Variants in IQCM observed in about 807,000 individuals in gnomAD.
IQCM encodes IQ motif containing M.
IQCM carries 45 observed loss-of-function variants against 57.6 expected under a neutral mutation model. That is an observed-to-expected ratio of 0.78 (90% CI 0.62 to 1.00). IQCM has a LOEUF of 1.00. Among genes scored for constraint, IQCM ranks in the 50% least tolerant of loss-of-function variants. The pLI, the probability that IQCM is intolerant of heterozygous loss-of-function variation, is 0.00. For synonymous variants in IQCM, 148 were observed against 158.9 expected, an observed-to-expected ratio of 0.93 and a Z score of 0.51; for missense variants, 468 against 511.6, an observed-to-expected ratio of 0.91 and a Z score of 0.82.
intron 13 of IQCM, among the ~76,000 whole-genome samples, chr4:149,418,084 A>C (rs1003266994): frequency 2.6e-5 from 4 of 151,950 alleles, no homozygotes; most frequent in African/African-American, 9.7e-5. Context: ...AGCTAGCAGA[A>C]GATAAGAAAT....
At chr4:149,664,795 G>A (rs1304237155) in intron 7 of IQCM, among the ~76,000 whole-genome samples, 1 of 152,124 alleles carries the variant, frequency 6.6e-6, no homozygotes, top group Admixed American at 6.5e-5. Context: ...AAGTCAGGTG[G>A]CTGTGGGTTG....
chr4:149,481,488 C>G, intron 12 of IQCM, among the ~76,000 whole-genome samples: 1 of 151,928 alleles, frequency 6.6e-6, no homozygotes, highest in South Asian at 2.1e-4. Context: ...AACCAGTTTT[C>G]TCAGCACCAT....
chr4:149,581,651 C>T (rs1752193223), intron 9 of IQCM, among the ~76,000 whole-genome samples: 1 of 151,670 alleles, frequency 6.6e-6, no homozygotes, highest in Non-Finnish European at 1.5e-5. Context: ...TGACGGGTTT[C>T]ATGAGTTGAT....
At chr4:149,394,983 A>C (rs1406289249) in intron 13 of IQCM, among the ~76,000 whole-genome samples, 1 of 151,968 alleles carries the variant, frequency 6.6e-6, no homozygotes, top group Non-Finnish European at 1.5e-5. Flanking sequence ...TTATTGGCCT[A>C]TAATTTTACT....
intron 5 of IQCM, among the ~76,000 whole-genome samples, chr4:149,711,771 G>C (rs1764578825): frequency 6.6e-6 from 1 of 152,146 alleles, no homozygotes; most frequent in South Asian, 2.1e-4. Context: ...TAGCAGTTGA[G>C]TATAGTTGGA....
chr4:149,469,482 C>A (rs938707042), intron 12 of IQCM, among the ~76,000 whole-genome samples: 3 of 151,998 alleles, frequency 2.0e-5, no homozygotes, highest in Admixed American at 6.6e-5. Context: ...GTGAAAAGAC[C>A]AAATCTACAT....
chr4:149,377,357 G>T (rs910049739), intron 13 of IQCM, among the ~76,000 whole-genome samples: 7 of 152,110 alleles, frequency 4.6e-5, no homozygotes, highest in Non-Finnish European at 1.0e-4. Context: ...GGCCCTGAAA[G>T]GTCTGGCTGC....
intron 7 of IQCM, among the ~76,000 whole-genome samples, chr4:149,664,220 C>A (rs1336338994): frequency 3.9e-5 from 6 of 151,998 alleles, no homozygotes; most frequent in Non-Finnish European, 5.9e-5. Context: ...TTATTGAATT[C>A]TTTGTCTATA....
At chr4:149,557,844 T>C (rs946902094) in intron 10 of IQCM, among the ~76,000 whole-genome samples, 2 of 152,190 alleles carry the variant, frequency 1.3e-5, no homozygotes, top group African/African-American at 4.8e-5. Context: ...TTGACAACCA[T>C]TCCCTCTTAC....
intron 8 of IQCM, among the ~76,000 whole-genome samples, chr4:149,589,930 C>G (rs1225574958): frequency 6.6e-6 from 1 of 151,972 alleles, no homozygotes; most frequent in Non-Finnish European, 1.5e-5. Context: ...ATATTTCATA[C>G]TTTTACACAA....
chr4:149,750,323 C>A (rs1204849534), intron 2 of IQCM, among the ~76,000 whole-genome samples: 1 of 152,158 alleles, frequency 6.6e-6, no homozygotes, highest in Non-Finnish European at 1.5e-5. Flanking sequence ...TCATTGAATA[C>A]AACCCTCATA....
At chr4:149,463,036 T>C (rs938033505) in intron 12 of IQCM, among the ~76,000 whole-genome samples, 2 of 152,206 alleles carry the variant, frequency 1.3e-5, no homozygotes, top group African/African-American at 4.8e-5. Context: ...AGACCATTAG[T>C]AAGAACTTGT....
intron 8 of IQCM, among the ~76,000 whole-genome samples, chr4:149,602,869 C>A (rs1028457255): frequency 5.9e-5 from 9 of 151,582 alleles, no homozygotes; most frequent in African/African-American, 2.2e-4. Flanking sequence ...AATAAAAATC[C>A]AAAAAATTCA....
intron 5 of IQCM, among the ~76,000 whole-genome samples, chr4:149,700,380 C>T (rs1424395974): frequency 1.3e-5 from 2 of 151,798 alleles, no homozygotes; most frequent in African/African-American, 4.8e-5. Context: ...TCCTGATGTC[C>T]TCAAATGTAA....
intron 2 of IQCM, among the ~76,000 whole-genome samples, chr4:149,811,527 T>C (rs1774563774): frequency 6.6e-6 from 1 of 152,168 alleles, no homozygotes. Context: ...TTTATGATAG[T>C]GAATGGACTG....
At chr4:149,604,931 T>A (rs1361467496) in intron 8 of IQCM, among the ~76,000 whole-genome samples, 2 of 152,232 alleles carry the variant, frequency 1.3e-5, no homozygotes, top group Non-Finnish European at 2.9e-5. Context: ...TAATCTGCTA[T>A]CTGCTCAAAT....
intron 12 of IQCM, among the ~76,000 whole-genome samples, chr4:149,548,232 T>C (rs1476274261): frequency 6.6e-6 from 1 of 152,152 alleles, no homozygotes; most frequent in Non-Finnish European, 1.5e-5. Flanking sequence ...CAAAAAAACC[T>C]GTATTGTATT....
chr4:149,539,657 T>G (rs1747654238), intron 12 of IQCM, among the ~76,000 whole-genome samples: 1 of 152,092 alleles, frequency 6.6e-6, no homozygotes, highest in African/African-American at 2.4e-5. Flanking sequence ...GGTCAGGAGT[T>G]TGAGACCAGG....
At chr4:149,625,888 G>T (rs899137814) in intron 7 of IQCM, among the ~76,000 whole-genome samples, 1 of 152,088 alleles carries the variant, frequency 6.6e-6, no homozygotes, top group African/African-American at 2.4e-5. Context: ...ACTAAATTAT[G>T]TACATCTAGT....
Sources: gnomAD v4.1 joint callset for allele counts (sites outside exome capture counted in the v4.1 genomes callset) on GRCh38, gnomAD v4.1.1 for gene constraint, MANE v1.5 for transcripts, NCBI Gene and HGNC (gene_info 2026-07-23, HGNC 2026-07-21) for gene names.